MSH3: variants seen among roughly 807,000 people sequenced by gnomAD.
MSH3 encodes mutS homolog 3.
In MSH3, 106 loss-of-function variants were observed where a neutral mutation model predicts 123.3. That is an observed-to-expected ratio of 0.86 (90% confidence interval 0.73 to 1.01). The LOEUF is 1.01. Among genes scored for constraint, MSH3 ranks in the 50% least tolerant of loss-of-function variants. The probability of loss-of-function intolerance (pLI) is 0.00; values close to 1 mark genes in which losing one functional copy is unlikely to be tolerated. For synonymous variants in MSH3, 515 were observed against 481.4 expected (o/e 1.07, Z -0.91); for missense variants, 1,459 against 1,347.6 (o/e 1.08, Z -1.29).
chr5:80,865,077 T>C, intron 22 of MSH3, 135 bp downstream of exon 22: 1 of 950,520 alleles, frequency 1.1e-6, no homozygotes. Context: ...TTGTCAGGAT[T>C]CATTTTTGCT....
chr5:80,665,216 T>C lies in MSH3; in HGVS notation c.432T>C (p.Ser144=). The C allele has an allele frequency of 6.2e-7, 1 of 1,614,172 alleles. No homozygotes were observed. The highest frequency in any genetic ancestry group is 2.2e-5 in the East Asian group (1 of 44,876). ...LEKLKEFCCD[S]ALPQSRVQTE... ...AATTGAAAGAATTCTGCTGCGATTC[T>C]GCCCTTCCTCAAAGTAGAGTCCAGA... Residue 144 remains serine (S), a synonymous_variant, in exon 3 of 24, where the codon TCT becomes TCC. Transcript: ENST00000265081.
chr5:80,850,521 C>A (rs1745812836), intron 20 of MSH3, among the ~76,000 whole-genome samples: 1 of 152,156 alleles, frequency 6.6e-6, no homozygotes, highest in Non-Finnish European at 1.5e-5. Flanking sequence ...CAAGGAGGAG[C>A]AAGTCACATC....
rs554373768 is a variant in MSH3, at chr5:80,782,036, CTT to C, written c.2435+3203_2435+3204del. ...ATTTACATAATGCACAGCATACAGA[CTT>C]TTATATTTTTAAAGATTATATATGC... On this transcript the variant is annotated intron_variant, in intron 17 of 23. Coordinates refer to ENST00000265081, the MANE Select transcript of MSH3 (RefSeq NM_002439.5). 1.3e-3 allele frequency among the ~76,000 whole-genome samples: 191 copies of C among 152,144 alleles called. 2 individuals are homozygous for C. The highest frequency in any genetic ancestry group is 4.5e-3 in the African/African-American group (186 of 41,492).
intron 12 of MSH3, among the ~76,000 whole-genome samples, chr5:80,752,704 A>G (rs533650581): frequency 6.6e-6 from 1 of 152,276 alleles, no homozygotes; most frequent in African/African-American, 2.4e-5. Context: ...TTTTTTGGTC[A>G]AGAAGGTAGC....
At chr5:80,697,526 C>T (rs1346701632) in intron 8 of MSH3, among the ~76,000 whole-genome samples, 1 of 152,140 alleles carries the variant, frequency 6.6e-6, no homozygotes, top group Non-Finnish European at 1.5e-5. Flanking sequence ...TTAACAAGAA[C>T]TATCAGGTTA....
intron 20 of MSH3, among the ~76,000 whole-genome samples, chr5:80,848,522 T>C (rs999856800): frequency 6.6e-6 from 1 of 152,214 alleles, no homozygotes; most frequent in African/African-American, 2.4e-5. Flanking sequence ...AAGAAGTTTA[T>C]TGGACTTACA....
intron 17 of MSH3, among the ~76,000 whole-genome samples, chr5:80,779,614 A>T: frequency 6.8e-6 from 1 of 147,568 alleles, no homozygotes. Context: ...GCAGTGGCGC[A>T]ATCTTGGCTC....
intron 2 of MSH3, among the ~76,000 whole-genome samples, chr5:80,663,058 G>A (rs1287979751): frequency 1.3e-5 from 2 of 152,004 alleles, no homozygotes; most frequent in African/African-American, 4.8e-5. Context: ...AACATAGGGA[G>A]ACCCTGTCTA....
intron 19 of MSH3, among the ~76,000 whole-genome samples, chr5:80,796,114 A>G (rs868590453): frequency 1.3e-5 from 2 of 152,162 alleles, no homozygotes; most frequent in Admixed American, 6.5e-5. Flanking sequence ...TATTAGAACT[A>G]TAAGTTTCTT....
intron 22 of MSH3, among the ~76,000 whole-genome samples, chr5:80,869,452 T>A (rs1230874395): frequency 6.6e-6 from 1 of 152,074 alleles, no homozygotes; most frequent in Non-Finnish European, 1.5e-5. Context: ...CCCATGTGGC[T>A]TTTTCTGACT....
At position 80,748,731 on chromosome 5, in the gene MSH3, CA is replaced by C. The variant is rs1450133573; in HGVS notation, c.1763+4117del. Among the ~76,000 whole-genome samples the C allele has an allele frequency of 7.9e-4, 93 of 118,348 alleles. 1 individual carries two copies. Among genetic ancestry groups the C allele is most frequent in the African/African-American group, 2.7e-3 (83 of 30,694 alleles). 77.6% of individuals were successfully genotyped at this position (118,348 alleles called of 152,430 possible). A position where few individuals can be genotyped will look rare whatever the true frequency, so the allele number is the denominator to read the frequency against. On this transcript the variant is annotated intron_variant, in intron 12 of 23. Transcript: ENST00000265081. Reference sequence around the variant, plus strand: ...ACACACACACACACACACACACACACACCCATATGTATGTCATTGGTTTTGT... The same window carrying C: ...ACACACACACACACACACACACACACCCCATATGTATGTCATTGGTTTTGT...
chr5:80,875,646 C>A, intron 23 of MSH3, 105 bp from the exon 24 acceptor site: 2 of 701,338 alleles, frequency 2.9e-6, no homozygotes, highest in Middle Eastern at 3.6e-4. Context: ...AACTATAGAG[C>A]CTGCCCGGTA....
At chr5:80,792,673 A>C in intron 18 of MSH3, 60 bp from the exon 19 acceptor site, 1 of 997,120 alleles carries the variant, frequency 1.0e-6, no homozygotes, top group Non-Finnish European at 1.6e-6. Context: ...GCTATCTTAG[A>C]GTTTTTTTTT....
chr5:80,672,605 TC>T, intron 5 of MSH3, 135 bp from the exon 6 acceptor site: 1 of 796,476 alleles, frequency 1.3e-6, no homozygotes, highest in East Asian at 2.6e-5. Flanking sequence ...CCTTGTCAAC[TC>T]CTTTAAACCC....
At chr5:80,761,400 T>G (rs555276030) in intron 12 of MSH3, 146 bp from the exon 13 acceptor site, 35 of 997,556 alleles carry the variant, frequency 3.5e-5, no homozygotes, top group Admixed American at 1.6e-4. Context: ...CAGGGAGTCC[T>G]TCCCACATGA....
intron 17 of MSH3, among the ~76,000 whole-genome samples, chr5:80,784,933 T>C (rs1044798247): frequency 6.6e-6 from 1 of 152,232 alleles, no homozygotes; most frequent in Non-Finnish European, 1.5e-5. Flanking sequence ...GAAATAAAGC[T>C]GGATAGTTAA....
At position 80,873,294 on chromosome 5, in the gene MSH3, G is replaced by T. The variant is rs371218489; in HGVS notation, c.3302+7G>T. The T allele has an allele frequency of 1.7e-5, 27 of 1,613,590 alleles. No individual in the cohort carries two copies. Among genetic ancestry groups the T allele is most frequent in the African/African-American group, 9.3e-5 (7 of 74,918 alleles). Reference sequence around the variant, plus strand: ...GATTAATAAATACGAAAAGGTCAGAGTGATTATGCTGCATTTTTTCATTTG... The same window carrying T: ...GATTAATAAATACGAAAAGGTCAGATTGATTATGCTGCATTTTTTCATTTG... On this transcript the variant is annotated splice_region_variant and intron_variant, in intron 23 of 23. Coordinates refer to ENST00000265081, the MANE Select transcript of MSH3 (RefSeq NM_002439.5).
chr5:80,794,379 G>T (rs886289247), intron 19 of MSH3, among the ~76,000 whole-genome samples: 2 of 152,126 alleles, frequency 1.3e-5, no homozygotes, highest in Non-Finnish European at 2.9e-5. Flanking sequence ...AGTAGGGAGG[G>T]TGGACAAAAT....
intron 19 of MSH3, among the ~76,000 whole-genome samples, chr5:80,807,091 CTG>C (rs1196598719): frequency 6.7e-6 from 1 of 148,876 alleles, no homozygotes; most frequent in Non-Finnish European, 1.5e-5. Context: ...ACTCTGGAGA[CTG>C]TGGCAGGAAG....
Sources: gnomAD v4.1 joint callset for allele counts (sites outside exome capture counted in the v4.1 genomes callset) on GRCh38, gnomAD v4.1.1 for gene constraint, MANE v1.5 for transcripts, NCBI Gene and HGNC (gene_info 2026-07-23, HGNC 2026-07-21) for gene names.